UNC5B: variants seen among roughly 807,000 people sequenced by gnomAD.
The protein encoded by UNC5B is unc-5 netrin receptor B.
UNC5B carries 56 observed loss-of-function variants against 103.7 expected under a neutral mutation model. That is an observed-to-expected ratio of 0.54 (90% CI 0.44 to 0.67). The LOEUF is 0.67. Among genes scored for constraint, UNC5B ranks in the 30% least tolerant of loss-of-function variants. The pLI, the probability that UNC5B is intolerant of heterozygous loss-of-function variation, is 0.00. For synonymous variants in UNC5B, 577 were observed against 542.0 expected, an observed-to-expected ratio of 1.06 and a Z score of -0.90; for missense variants, 1,194 against 1,284.5, an observed-to-expected ratio of 0.93 and a Z score of 1.08.
chr10:71,226,526 C>G (rs547469816), intron 1 of UNC5B, among the ~76,000 whole-genome samples: 1 of 152,344 alleles, frequency 6.6e-6, no homozygotes, highest in East Asian at 1.9e-4. Flanking sequence ...TTGTTAGTCC[C>G]GGTTTCCTCA....
At chr10:71,269,639 T>TC (rs1844600120) in intron 1 of UNC5B, among the ~76,000 whole-genome samples, 1 of 151,114 alleles carries the variant, frequency 6.6e-6, no homozygotes, top group African/African-American at 2.4e-5. Context: ...TTGTCCTGTG[T>TC]CCCCAGTGGG....
At chr10:71,224,932 A>G (rs1843530195) in intron 1 of UNC5B, among the ~76,000 whole-genome samples, 1 of 152,222 alleles carries the variant, frequency 6.6e-6, no homozygotes, top group African/African-American at 2.4e-5. Context: ...CAGCCTTCAA[A>G]GCCCATCGCT....
intron 1 of UNC5B, among the ~76,000 whole-genome samples, chr10:71,229,891 A>G (rs1169364746): frequency 3.3e-5 from 5 of 152,156 alleles, no homozygotes; most frequent in Admixed American, 3.3e-4. Context: ...GTCGCTGGTC[A>G]GGGTGATGCC....
At chr10:71,237,899 GT>G (rs1312029691) in intron 1 of UNC5B, among the ~76,000 whole-genome samples, 1 of 152,180 alleles carries the variant, frequency 6.6e-6, no homozygotes, top group African/African-American at 2.4e-5. Flanking sequence ...AAGAGGTGTG[GT>G]ACCTGGAGCT....
intron 1 of UNC5B, among the ~76,000 whole-genome samples, chr10:71,236,197 C>T (rs1036882098): frequency 1.3e-5 from 2 of 152,184 alleles, no homozygotes; most frequent in Non-Finnish European, 2.9e-5. Context: ...GTAGGTGCCC[C>T]ATAAGTATGA....
At chr10:71,280,142 C>T in intron 2 of UNC5B, 97 bp downstream of exon 2, 1 of 1,339,228 alleles carries the variant, frequency 7.5e-7, no homozygotes, top group Non-Finnish European at 1.0e-6. Flanking sequence ...ATGGTGCCCC[C>T]TTGGATTAGC....
At chr10:71,235,641 A>G (rs1385401246) in intron 1 of UNC5B, among the ~76,000 whole-genome samples, 1 of 152,062 alleles carries the variant, frequency 6.6e-6, no homozygotes, top group East Asian at 1.9e-4. Flanking sequence ...AGGGACTGGT[A>G]GGGGGGTCCT....
chr10:71,270,300 C>T (rs1253074544), intron 1 of UNC5B, among the ~76,000 whole-genome samples: 4 of 144,648 alleles, frequency 2.8e-5, no homozygotes, highest in African/African-American at 5.1e-5. Context: ...GAGATCATGC[C>T]GCTGCACTCC....
intron 9 of UNC5B, 100 bp downstream of exon 9, chr10:71,291,209 G>C (rs1459075185): frequency 1.4e-6 from 2 of 1,448,246 alleles, no homozygotes; most frequent in East Asian, 2.3e-5. Flanking sequence ...TCCCTCCCAG[G>C]GTTTTTCCAG....
chr10:71,242,384 A>G (rs1843925413), intron 1 of UNC5B, among the ~76,000 whole-genome samples: 1 of 152,172 alleles, frequency 6.6e-6, no homozygotes. Context: ...AGTTCAGCAG[A>G]GAGGAAAGAC....
intron 1 of UNC5B, among the ~76,000 whole-genome samples, chr10:71,239,314 C>T (rs560360253): frequency 2.6e-5 from 4 of 152,186 alleles, no homozygotes; most frequent in African/African-American, 4.8e-5. Flanking sequence ...ACAGAGGTGA[C>T]GCCCCACCCC....
chr10:71,287,808 C>T, intron 6 of UNC5B, 43 bp downstream of exon 6: 1 of 1,586,664 alleles, frequency 6.3e-7, no homozygotes, highest in East Asian at 2.3e-5. Context: ...CGAACCCTGT[C>T]CCACCTTCTG....
chr10:71,273,013 C>T (rs542868750), intron 1 of UNC5B, among the ~76,000 whole-genome samples: 9 of 152,296 alleles, frequency 5.9e-5, no homozygotes, highest in African/African-American at 2.2e-4. Context: ...CTCAGCCCCC[C>T]GAGTAGCTGG....
chr10:71,272,396 A>G (rs112223466), intron 1 of UNC5B, among the ~76,000 whole-genome samples: 27 of 152,262 alleles, frequency 1.8e-4, no homozygotes, highest in African/African-American at 6.3e-4. Flanking sequence ...GCCTGTGGAC[A>G]AAAGCCAGCG....
At chr10:71,249,100 A>C (rs10823706) in intron 1 of UNC5B, among the ~76,000 whole-genome samples, 63,238 of 152,054 alleles carry the variant, frequency 0.42, 13,724 homozygotes, top group Middle Eastern at 0.48. Flanking sequence ...CCAAGCTTTC[A>C]GTCCCTTTTT....
chr10:71,291,957 A>T, intron 10 of UNC5B, 136 bp downstream of exon 10: 1 of 1,326,142 alleles, frequency 7.5e-7, no homozygotes, highest in Non-Finnish European at 1.0e-6. Context: ...TGAAGGCAGG[A>T]AGTGAGTATA....
rs1845524402 is a variant in UNC5B at position 71,299,182 on chromosome 10, C to A, written c.2743C>A (p.Gln915Lys). ...CCTGGACCTCTGGGAAGCTCTGCAGCAGGACGATGGGGACCTCAACAGCCT... is the reference window on the plus strand; with the variant it reads ...CCTGGACCTCTGGGAAGCTCTGCAGAAGGACGATGGGGACCTCAACAGCCT... ...VILDLWEALQ[Q>K]DDGDLNSLAS... is the part of the protein sequence containing the mutation. The change falls in exon 17 of 17, where the codon CAG (glutamine) becomes AAG (lysine). Residue 915 changes from glutamine to lysine, a missense_variant. Gln to Lys is a moderately conservative substitution (Grantham distance 53, BLOSUM62 1). Coordinates refer to ENST00000335350, the MANE Select transcript of UNC5B (RefSeq NM_170744.5). 6.2e-7 allele frequency: 1 copy of A among 1,614,130 alleles called. No homozygotes were observed. Among genetic ancestry groups the A allele is most frequent in the African/African-American group, 1.3e-5 (1 of 74,938 alleles).
At chr10:71,291,155 C>T in intron 9 of UNC5B, 46 bp downstream of exon 9, 1 of 1,582,408 alleles carries the variant, frequency 6.3e-7, no homozygotes, top group South Asian at 1.2e-5. Context: ...GGCAGGATAC[C>T]CAGAGGGCTC....
intron 2 of UNC5B, among the ~76,000 whole-genome samples, chr10:71,284,188 G>T (rs984231326): frequency 6.6e-6 from 1 of 152,098 alleles, no homozygotes; most frequent in Non-Finnish European, 1.5e-5. Flanking sequence ...GGCTTTCCTC[G>T]GGAAGTGAGG....
Sources: allele counts gnomAD v4.1 joint callset (sites outside exome capture counted in the v4.1 genomes callset), GRCh38; gene constraint gnomAD v4.1.1; transcripts MANE v1.5; gene names NCBI Gene and HGNC (gene_info 2026-07-23, HGNC 2026-07-21).